The following AXDND1 variants were observed in gnomAD, a reference collection of about 807,000 sequenced individuals.
AXDND1 encodes the protein axonemal dynein light chain domain containing 1.
Under a neutral mutation model 137.5 loss-of-function variants are expected in AXDND1, and 110 were observed. The ratio of observed to expected loss-of-function variants is 0.80; its 90% CI spans 0.69 to 0.94. AXDND1 has a LOEUF of 0.94. Ranked by LOEUF, AXDND1 falls within the 40% of genes least tolerant of loss-of-function variation. The pLI is 0.00. For missense variants in AXDND1, 1,191 were observed against 1,169.8 expected, an observed-to-expected ratio of 1.02 and a Z score of -0.26; for synonymous variants, 414 against 399.7, an observed-to-expected ratio of 1.04 and a Z score of -0.43.
At chr1:179,419,751 GT>G (rs1655394876) in intron 12 of AXDND1, among the ~76,000 whole-genome samples, 1 of 152,080 alleles carries the variant, frequency 6.6e-6, no homozygotes, top group Non-Finnish European at 1.5e-5. Context: ...TCTTCAGATT[GT>G]TTGCAATTGG....
chr1:179,465,334 T>C (rs928367690), intron 16 of AXDND1, among the ~76,000 whole-genome samples: 1 of 152,204 alleles, frequency 6.6e-6, no homozygotes, highest in African/African-American at 2.4e-5. Context: ...TAGTTTTCCT[T>C]CTAACAGTCA....
chr1:179,437,441 A>G (rs1658330316), intron 15 of AXDND1, among the ~76,000 whole-genome samples: 1 of 152,164 alleles, frequency 6.6e-6, no homozygotes, highest in Admixed American at 6.5e-5. Context: ...TCCTTCAGCA[A>G]ACCTTTTGGT....
In AXDND1 at chr1:179,464,680, A is replaced by G. The variant is rs530173729; in HGVS notation, c.1799-3763A>G. 5.2e-4 allele frequency among the ~76,000 whole-genome samples: 79 copies of G among 152,302 alleles called. No individual in the cohort carries two copies. In the Middle Eastern group the frequency reaches 0.014, roughly 26 times the overall value. ...TTGGCCTGCCTTGCTAGGTTGGGGA[A>G]GTTCTCCTGGATAATATCCTGAAGA... is the stretch of plus-strand genomic sequence containing the variant. On this transcript the variant is annotated intron_variant, in intron 16 of 25. Transcript: ENST00000367618.
At chr1:179,486,245 C>A (rs1258935814) in intron 18 of AXDND1, among the ~76,000 whole-genome samples, 1 of 150,310 alleles carries the variant, frequency 6.7e-6, no homozygotes, top group Non-Finnish European at 1.5e-5. Context: ...AGTTTGAAGA[C>A]TGGTTCTCTG....
intron 15 of AXDND1, among the ~76,000 whole-genome samples, chr1:179,433,124 A>T (rs950054034): frequency 5.9e-5 from 9 of 151,998 alleles, no homozygotes; most frequent in African/African-American, 2.2e-4. Flanking sequence ...CCAGGAATTT[A>T]TCCGTTTCTT....
At chr1:179,494,364 G>T (rs143066651) in intron 20 of AXDND1, among the ~76,000 whole-genome samples, 390 of 152,176 alleles carry the variant, frequency 2.6e-3, no homozygotes, top group Non-Finnish European at 3.9e-3. Flanking sequence ...CTTTTCATGT[G>T]TGTATTTGTA....
chr1:179,440,123 C>T (rs957831176), intron 15 of AXDND1, among the ~76,000 whole-genome samples: 1 of 152,246 alleles, frequency 6.6e-6, no homozygotes, highest in Admixed American at 6.5e-5. Flanking sequence ...GCTTCCTATA[C>T]CCCCTTTTTG....
intron 20 of AXDND1, among the ~76,000 whole-genome samples, chr1:179,507,730 C>T (rs1401225431): frequency 2.0e-5 from 3 of 152,100 alleles, no homozygotes; most frequent in Non-Finnish European, 4.4e-5. Flanking sequence ...AAACATTTAC[C>T]AGGTCACCAC....
rs56101948 is a variant in AXDND1, at chr1:179,489,926, A to G, written c.2092-1612A>G. The stretch of plus-strand genomic sequence containing the variant: ...CGCCCGACTAATTTTTTGTATTTTT[A>G]GTAGAGACTGGGTTTCACTATGTTA... On this transcript the variant is annotated intron_variant, in intron 18 of 25. Coordinates refer to ENST00000367618, the MANE Select transcript of AXDND1 (RefSeq NM_144696.6). Among the ~76,000 whole-genome samples the G allele has an allele frequency of 2.3e-3, 344 of 152,054 alleles. 1 individual carries two copies. The highest frequency in any genetic ancestry group is 9.8e-3 in the South Asian group (47 of 4,804).
chr1:179,509,495 A>G, intron 21 of AXDND1, 92 bp downstream of exon 21: 1 of 804,564 alleles, frequency 1.2e-6, no homozygotes, highest in Non-Finnish European at 2.0e-6. Context: ...AATGTTCTGA[A>G]TCCTTGTTCA....
chr1:179,469,316 T>A (rs1422153079), intron 17 of AXDND1, among the ~76,000 whole-genome samples: 1 of 152,200 alleles, frequency 6.6e-6, no homozygotes, highest in Non-Finnish European at 1.5e-5. Flanking sequence ...TTTTTCAAGG[T>A]TCATCCATGT....
At chr1:179,476,209 A>G (rs1339672778) in intron 17 of AXDND1, among the ~76,000 whole-genome samples, 2 of 152,196 alleles carry the variant, frequency 1.3e-5, no homozygotes, top group African/African-American at 2.4e-5. Flanking sequence ...ACACAAAAAT[A>G]CATTGTTATA....
At chr1:179,535,098 A>G in intron 25 of AXDND1, 136 bp downstream of exon 25, 3 of 1,329,776 alleles carry the variant, frequency 2.3e-6, no homozygotes, top group Non-Finnish European at 3.2e-6. Context: ...AGGAATGTGC[A>G]TATTTTAATC....
chr1:179,433,097 T>A (rs1657630531), intron 15 of AXDND1, among the ~76,000 whole-genome samples: 1 of 152,222 alleles, frequency 6.6e-6, no homozygotes, highest in South Asian at 2.1e-4. Context: ...TGGTTTCGTC[T>A]TGGGAGGGTG....
At chr1:179,436,549 A>G (rs548129351) in intron 15 of AXDND1, among the ~76,000 whole-genome samples, 3 of 152,330 alleles carry the variant, frequency 2.0e-5, no homozygotes, top group East Asian at 1.9e-4. Flanking sequence ...AGGGACATGG[A>G]TGAAGCTGGA....
rs76095949 is a variant in AXDND1, at chr1:179,443,609, G to C, written c.1564-1361G>C. Among the ~76,000 whole-genome samples, 813 of 152,132 alleles carry C rather than the reference G, an allele frequency of 5.3e-3. 7 individuals are homozygous for C. The highest frequency in any genetic ancestry group is 0.019 in the African/African-American group (783 of 41,496). The stretch of plus-strand genomic sequence containing the variant: ...CAATCTCATTCTACTTTCTGTTTAT[G>C]AATGTGACTACTCTAGGCATCTCAT... On this transcript the variant is annotated intron_variant, in intron 15 of 25. Coordinates refer to ENST00000367618, the MANE Select transcript of AXDND1 (RefSeq NM_144696.6).
chr1:179,467,858 T>C (rs1663412878), intron 16 of AXDND1, among the ~76,000 whole-genome samples: 1 of 152,214 alleles, frequency 6.6e-6, no homozygotes, highest in South Asian at 2.1e-4. Context: ...ATGGGAATGT[T>C]TTCATTTTGT....
chr1:179,455,293 A>AG (rs1290812185), intron 16 of AXDND1: 1 of 66,306 alleles, frequency 1.5e-5, no homozygotes, highest in South Asian at 6.0e-4. Context: ...AAAAAAAAAA[A>AG]GTAAAAAAAA....
intron 16 of AXDND1, chr1:179,448,019 C>CTGGAACTGTGACAGACA: frequency 1.4e-6 from 2 of 1,391,924 alleles, no homozygotes; most frequent in Non-Finnish European, 2.0e-6. Context: ...GGGCTTTTCA[C>CTGGAACTGTGACAGACA]TGGAACTGTG....
Sources: gnomAD v4.1 joint callset for allele counts (sites outside exome capture counted in the v4.1 genomes callset) on GRCh38, gnomAD v4.1.1 for gene constraint, MANE v1.5 for transcripts, NCBI Gene and HGNC (gene_info 2026-07-23, HGNC 2026-07-21) for gene names.